The following ARHGEF37 variants were observed in gnomAD, a reference collection of about 807,000 sequenced individuals.
ARHGEF37 encodes Rho guanine nucleotide exchange factor 37, also known as Rho guanine nucleotide exchange factor (GEF) 37.
ARHGEF37 carries 55 observed loss-of-function variants against 71.1 expected under a neutral mutation model. The observed-to-expected ratio is 0.77, with a 90% CI of 0.62 to 0.97. The LOEUF is 0.97. ARHGEF37 is among the 50% of genes least tolerant of loss of function. ARHGEF37 has a pLI of 0.00. For missense variants in ARHGEF37, 765 were observed against 836.8 expected (o/e 0.91, Z 1.06); for synonymous variants, 327 against 350.6 (o/e 0.93, Z 0.75).
chr5:149,616,050 G>A (rs1265681390), intron 4 of ARHGEF37, among the ~76,000 whole-genome samples: 1 of 152,208 alleles, frequency 6.6e-6, no homozygotes, highest in Non-Finnish European at 1.5e-5. Flanking sequence ...TCAGTCTGGA[G>A]CTCTGGAACA....
At chr5:149,598,941 G>A (rs1320772752) in intron 2 of ARHGEF37, among the ~76,000 whole-genome samples, 1 of 152,054 alleles carries the variant, frequency 6.6e-6, no homozygotes, top group East Asian at 1.9e-4. Context: ...GGTGCAGGAA[G>A]GCCAGGAGGC....
At chr5:149,616,870 T>G in intron 5 of ARHGEF37, 104 bp downstream of exon 5, 2 of 1,212,548 alleles carry the variant, frequency 1.6e-6, no homozygotes, top group South Asian at 3.1e-5. Context: ...TAGTGGCTTA[T>G]GTAACTATAA....
chr5:149,571,258 T>A (rs1050435210), intron 1 of ARHGEF37, among the ~76,000 whole-genome samples: 3 of 151,656 alleles, frequency 2.0e-5, no homozygotes, highest in Non-Finnish European at 2.9e-5. Flanking sequence ...TGTTTTGTTT[T>A]GTTTTGCTTC....
chr5:149,584,062 T>C (rs1469279277), intron 1 of ARHGEF37, among the ~76,000 whole-genome samples: 1 of 152,152 alleles, frequency 6.6e-6, no homozygotes, highest in African/African-American at 2.4e-5. Flanking sequence ...GCCCAGAGAA[T>C]TTTATAATTC....
chr5:149,567,972 T>C (rs1443516912), intron 1 of ARHGEF37, among the ~76,000 whole-genome samples: 1 of 152,108 alleles, frequency 6.6e-6, no homozygotes, highest in East Asian at 1.9e-4. Flanking sequence ...TTCCTCTCTT[T>C]CTCTCTCTCA....
chr5:149,609,641 A>C lies in ARHGEF37; in HGVS notation c.404A>C (p.Tyr135Ser). Residue 135 changes from tyrosine (Y) to serine (S), a missense_variant, in exon 4 of 13, where the codon TAC becomes TCC. By Grantham distance (144) the Tyr-to-Ser change is moderately radical (BLOSUM62 -2). Transcript: ENST00000333677. ...CAGGCCTTGCTACTGGTGGACACGT[A>C]CCGGAAGGAGCCGGAGCTGCAGCGG... is the stretch of plus-strand genomic sequence containing the variant. Reference protein sequence around the residue: ...YDQALLLVDTYRKEPELQRHI... With the variant: ...YDQALLLVDTSRKEPELQRHI... 1 of 1,613,102 alleles carries C rather than the reference A, an allele frequency of 6.2e-7. No individual in the cohort carries two copies.
Position 149,620,336 on chromosome 5 carries a change from C to T in ARHGEF37, c.895-18C>T. 1 of 1,569,870 alleles carries T rather than the reference C, an allele frequency of 6.4e-7. No homozygotes were observed. The highest frequency in any genetic ancestry group is 8.7e-7 in the Non-Finnish European group (1 of 1,154,678). Reference sequence around the variant, plus strand: ...ATGACAGGCATGATTGGATGTTTCTCCTTGGTACTGGGTCCAGGCTTTCCT... The same window carrying T: ...ATGACAGGCATGATTGGATGTTTCTTCTTGGTACTGGGTCCAGGCTTTCCT... On this transcript the variant is annotated intron_variant, in intron 7 of 12. Coordinates refer to ENST00000333677, the MANE Select transcript of ARHGEF37 (RefSeq NM_001001669.3).
At chr5:149,599,512 A>C (rs377724980) in intron 2 of ARHGEF37, among the ~76,000 whole-genome samples, 1 of 149,390 alleles carries the variant, frequency 6.7e-6, no homozygotes, top group Non-Finnish European at 1.5e-5. Flanking sequence ...CCCAGGCTCA[A>C]GTGATCCTCC....
chr5:149,600,725 C>A (rs915450347), intron 2 of ARHGEF37, among the ~76,000 whole-genome samples: 18 of 151,724 alleles, frequency 1.2e-4, no homozygotes, highest in African/African-American at 4.4e-4. Context: ...ACTGCAACCT[C>A]CACCTCCCAG....
intron 1 of ARHGEF37, among the ~76,000 whole-genome samples, chr5:149,572,003 A>G (rs1479191980): frequency 6.6e-6 from 1 of 152,132 alleles, no homozygotes; most frequent in Non-Finnish European, 1.5e-5. Context: ...CTGGAAAATA[A>G]GAACAAACTT....
At chr5:149,612,134 A>G (rs1215098852) in intron 4 of ARHGEF37, among the ~76,000 whole-genome samples, 2 of 152,134 alleles carry the variant, frequency 1.3e-5, no homozygotes, top group African/African-American at 4.8e-5. Context: ...GAATGTGTTT[A>G]CCCTAGAATA....
chr5:149,590,958 T>C (rs926061207), intron 1 of ARHGEF37, among the ~76,000 whole-genome samples: 1 of 152,246 alleles, frequency 6.6e-6, no homozygotes, highest in Admixed American at 6.5e-5. Context: ...AACACAAACA[T>C]GTATTATACC....
intron 9 of ARHGEF37, among the ~76,000 whole-genome samples, chr5:149,622,489 C>T (rs1355104519): frequency 6.6e-6 from 1 of 152,158 alleles, no homozygotes; most frequent in South Asian, 2.1e-4. Context: ...TTAGGATGTA[C>T]CTGTTTGGAG....
intron 1 of ARHGEF37, among the ~76,000 whole-genome samples, chr5:149,564,574 C>T (rs920978125): frequency 1.3e-5 from 2 of 152,122 alleles, no homozygotes; most frequent in Non-Finnish European, 1.5e-5. Context: ...CCTGTAATTC[C>T]AGCACTTTGG....
chr5:149,589,128 A>G (rs6888407), intron 1 of ARHGEF37, among the ~76,000 whole-genome samples: 38,869 of 151,448 alleles, frequency 0.26, 5,355 homozygotes, highest in Admixed American at 0.41. Flanking sequence ...ATGTGGGAGG[A>G]TTGCTTGAGC....
chr5:149,561,378 T>C lies in ARHGEF37; in HGVS notation c.-12+9255T>C, dbSNP rs145420283. 2.9e-3 allele frequency among the ~76,000 whole-genome samples: 444 copies of C among 152,276 alleles called. 3 individuals are homozygous for C. The highest frequency in any genetic ancestry group is 0.01 in the African/African-American group (436 of 41,542). On this transcript the variant is annotated intron_variant, in intron 1 of 2. Coordinates refer to the ARHGEF37 transcript ENST00000505810. ...CTTAAGTGACCTCTGTAAATCTCTT[T>C]TAGTCTGAAAAGTCCTTGCATAGAT... is the stretch of plus-strand genomic sequence containing the variant.
chr5:149,626,990 G>A (rs1752706056), intron 10 of ARHGEF37, 86 bp from the exon 11 acceptor site: 2 of 1,415,036 alleles, frequency 1.4e-6, no homozygotes, highest in African/African-American at 1.4e-5. Flanking sequence ...CAGTACTCCT[G>A]GCTGTCAAAA....
chr5:149,568,658 A>C (rs948668394), intron 1 of ARHGEF37, among the ~76,000 whole-genome samples: 1 of 151,984 alleles, frequency 6.6e-6, no homozygotes, highest in Non-Finnish European at 1.5e-5. Context: ...CAAAAATACA[A>C]AAATTAGCTG....
At chr5:149,599,434 C>CTTATTTAT (rs57745588) in intron 2 of ARHGEF37, among the ~76,000 whole-genome samples, 1,501 of 147,894 alleles carry the variant, frequency 0.01, 13 homozygotes, top group South Asian at 0.038. Flanking sequence ...CCAAGGCAAA[C>CTTATTTAT]TTATTTATTT....
Sources: allele counts gnomAD v4.1 joint callset (sites outside exome capture counted in the v4.1 genomes callset), GRCh38; gene constraint gnomAD v4.1.1; transcripts MANE v1.5; gene names NCBI Gene and HGNC (gene_info 2026-07-23, HGNC 2026-07-21).